Variants in TRPC6 observed in about 807,000 individuals in gnomAD.
TRPC6 encodes the protein short transient receptor potential channel 6.
TRPC6 carries 55 observed loss-of-function variants against 90.7 expected under a neutral mutation model. The observed-to-expected ratio is 0.61, with a 90% CI of 0.49 to 0.76. The LOEUF is 0.76. TRPC6 is among the 30% of genes least tolerant of loss of function. TRPC6 has a pLI of 0.00. For missense variants in TRPC6, 989 were observed against 1,122.7 expected, an observed-to-expected ratio of 0.88 and a Z score of 1.70; for synonymous variants, 393 against 393.0, an observed-to-expected ratio of 1.00 and a Z score of 0.00.
At chr11:101,499,808 G>A (rs142857713) in intron 2 of TRPC6, among the ~76,000 whole-genome samples, 3 of 33,290 alleles carry the variant, frequency 9.0e-5, no homozygotes, top group African/African-American at 1.9e-4. Flanking sequence ...TATATACACA[G>A]TATAAAATGT....
chr11:101,570,070 C>A (rs1287987490), intron 1 of TRPC6, among the ~76,000 whole-genome samples: 1 of 151,948 alleles, frequency 6.6e-6, no homozygotes, highest in Non-Finnish European at 1.5e-5. Context: ...CAAAAAAATT[C>A]AATGAATCCA....
chr11:101,556,940 A>G (rs1377491884), intron 1 of TRPC6, among the ~76,000 whole-genome samples: 2 of 152,228 alleles, frequency 1.3e-5, no homozygotes, highest in African/African-American at 4.8e-5. Context: ...TACATTGAAA[A>G]ACAAAAGGAC....
chr11:101,537,457 A>C (rs1208959073), intron 1 of TRPC6, among the ~76,000 whole-genome samples: 2 of 151,568 alleles, frequency 1.3e-5, no homozygotes, highest in Non-Finnish European at 2.9e-5. Context: ...TATACACTAT[A>C]CTCTCTCTCT....
chr11:101,583,084 ACT>A (rs1209616999), intron 1 of TRPC6: 1 of 811,146 alleles, frequency 1.2e-6, no homozygotes, highest in Non-Finnish European at 1.5e-6. Flanking sequence ...ATGCGGTCTC[ACT>A]CTCGTGGGCA....
chr11:101,516,724 G>C (rs1860531349), intron 1 of TRPC6, among the ~76,000 whole-genome samples: 1 of 152,220 alleles, frequency 6.6e-6, no homozygotes, highest in African/African-American at 2.4e-5. Flanking sequence ...AGCCCCTGTA[G>C]GTTGCTCAGG....
intron 2 of TRPC6, among the ~76,000 whole-genome samples, chr11:101,501,939 A>C (rs893616610): frequency 6.6e-6 from 1 of 152,172 alleles, no homozygotes; most frequent in African/African-American, 2.4e-5. Context: ...AAATACATTT[A>C]TGTTTTCAGT....
At chr11:101,544,863 G>A (rs191373608) in intron 1 of TRPC6, among the ~76,000 whole-genome samples, 2 of 144,696 alleles carry the variant, frequency 1.4e-5, no homozygotes, top group Non-Finnish European at 3.0e-5. Flanking sequence ...ATATACCCCA[G>A]AACTTAAAGT....
intron 5 of TRPC6, among the ~76,000 whole-genome samples, chr11:101,478,315 T>TG (rs1007549612): frequency 1.2e-4 from 18 of 152,152 alleles, no homozygotes; most frequent in African/African-American, 3.6e-4. Flanking sequence ...ATATATAATC[T>TG]GGGGGATCAA....
At chr11:101,537,309 C>T (rs7933194) in intron 1 of TRPC6, among the ~76,000 whole-genome samples, 2,887 of 152,148 alleles carry the variant, frequency 0.019, 108 homozygotes, top group African/African-American at 0.066. Context: ...TTTACTTTAT[C>T]CCACATTACA....
chr11:101,561,845 C>T (rs1024925442), intron 1 of TRPC6, among the ~76,000 whole-genome samples: 4 of 150,342 alleles, frequency 2.7e-5, no homozygotes, highest in African/African-American at 9.7e-5. Flanking sequence ...TAAATATACA[C>T]ATATTAGTTT....
intron 1 of TRPC6, among the ~76,000 whole-genome samples, chr11:101,571,637 A>C (rs944442738): frequency 6.6e-6 from 1 of 152,218 alleles, no homozygotes; most frequent in Non-Finnish European, 1.5e-5. Flanking sequence ...AGGCTACAGT[A>C]ACCAAAACAG....
chr11:101,511,412 A>G lies in TRPC6; in HGVS notation c.171-6614T>C, dbSNP rs567736322. On this transcript the variant is annotated intron_variant, in intron 1 of 12. Transcript: ENST00000344327. ...GGGACACATTGTAAACTCTCAGTAC[A>G]TAACTGGAATACATTAATCCCTCCC... 4.3e-4 allele frequency among the ~76,000 whole-genome samples: 66 copies of G among 152,292 alleles called. 2 individuals are homozygous for G. Among genetic ancestry groups the G allele is most frequent in the African/African-American group, 1.4e-3 (57 of 41,532 alleles).
intron 1 of TRPC6, among the ~76,000 whole-genome samples, chr11:101,574,705 C>A (rs1385600982): frequency 1.4e-5 from 2 of 143,928 alleles, no homozygotes; most frequent in Admixed American, 1.4e-4. Context: ...ACCCTTCAAT[C>A]TACTCTATAC....
chr11:101,523,367 T>C (rs1028402982), intron 1 of TRPC6, among the ~76,000 whole-genome samples: 3 of 152,326 alleles, frequency 2.0e-5, no homozygotes, highest in Non-Finnish European at 2.9e-5. Flanking sequence ...TGATTCTCTG[T>C]CTTCAAGTTA....
intron 1 of TRPC6, among the ~76,000 whole-genome samples, chr11:101,524,760 A>G (rs1330445898): frequency 6.6e-6 from 1 of 152,254 alleles, no homozygotes; most frequent in Non-Finnish European, 1.5e-5. Context: ...AAAAATAGAC[A>G]GCAAAATTTG....
chr11:101,501,271 A>AAAAC (rs1860116897), intron 2 of TRPC6, among the ~76,000 whole-genome samples: 1 of 151,884 alleles, frequency 6.6e-6, no homozygotes, highest in Non-Finnish European at 1.5e-5. Flanking sequence ...AGATTTTAAA[A>AAAAC]AAAAAGACTG....
chr11:101,547,699 A>G (rs1193945702), intron 1 of TRPC6, among the ~76,000 whole-genome samples: 1 of 152,182 alleles, frequency 6.6e-6, no homozygotes, highest in Non-Finnish European at 1.5e-5. Context: ...TCCAGGTAGT[A>G]ATCTTTCTGA....
At chr11:101,462,369 G>A (rs1859025291) in intron 10 of TRPC6, among the ~76,000 whole-genome samples, 1 of 152,166 alleles carries the variant, frequency 6.6e-6, no homozygotes, top group South Asian at 2.1e-4. Flanking sequence ...AGCTTGACGA[G>A]GATAGCATTG....
intron 1 of TRPC6, among the ~76,000 whole-genome samples, chr11:101,517,825 C>T (rs1446291708): frequency 6.6e-6 from 1 of 152,136 alleles, no homozygotes; most frequent in African/African-American, 2.4e-5. Flanking sequence ...CATTTTTATT[C>T]CAAAATGCTA....
Sources: gnomAD v4.1 joint callset for allele counts (sites outside exome capture counted in the v4.1 genomes callset) on GRCh38, gnomAD v4.1.1 for gene constraint, MANE v1.5 for transcripts, NCBI Gene and HGNC (gene_info 2026-07-23, HGNC 2026-07-21) for gene names.